The following FBXL17 variants were observed in gnomAD, a reference collection of about 807,000 sequenced individuals.
The protein encoded by FBXL17 is F-box and leucine rich repeat protein 17.
In FBXL17, 22 loss-of-function variants were observed where a neutral mutation model predicts 66.2. That is an observed-to-expected ratio of 0.33 (90% CI 0.24 to 0.47). FBXL17 has a LOEUF of 0.47. Among genes scored for constraint, FBXL17 ranks in the 20% least tolerant of loss-of-function variants. The probability of loss-of-function intolerance (pLI) is 1.00; values close to 1 mark genes in which losing one functional copy is unlikely to be tolerated. For missense variants in FBXL17, 878 were observed against 948.2 expected, an observed-to-expected ratio of 0.93 and a Z score of 0.97; for synonymous variants, 474 against 400.5, an observed-to-expected ratio of 1.18 and a Z score of -2.19.
intron 6 of FBXL17, among the ~76,000 whole-genome samples, chr5:108,042,384 A>G (rs1561381988): frequency 6.6e-6 from 1 of 152,152 alleles, no homozygotes. Flanking sequence ...AGGATTCTTC[A>G]TGGTGTCCTT....
chr5:108,196,235 C>CAAA (rs57735019), intron 5 of FBXL17, among the ~76,000 whole-genome samples: 2 of 144,862 alleles, frequency 1.4e-5, no homozygotes, highest in South Asian at 2.2e-4. Context: ...ACAAAACAAA[C>CAAA]AAAAAAAAAA....
rs1264786661 is a variant in FBXL17, at chr5:108,381,819, C to G, written c.-128G>C. 1.5e-6 allele frequency: 2 copies of G among 1,337,046 alleles called. No homozygotes were observed. Among genetic ancestry groups the G allele is most frequent in the South Asian group, 1.8e-5 (1 of 54,710 alleles). The allele number at this position is 1,337,046 out of a possible 1,614,324, so 82.8% of individuals were successfully genotyped here. ...GGGTCGCCCTTCCTGCGCACACACA[C>G]GCACACACGGGCACACACGCGACGG... On this transcript the variant is annotated 5_prime_UTR_variant, in exon 1 of 9. Transcript: ENST00000542267.
chr5:108,149,676 A>C, intron 6 of FBXL17, among the ~76,000 whole-genome samples: 1 of 152,220 alleles, frequency 6.6e-6, no homozygotes, highest in East Asian at 1.9e-4. Context: ...ACTCTTAGTA[A>C]GTCATATTCA....
Position 108,135,931 on chromosome 5 carries a change from C to T in FBXL17, c.1745+50186G>A, listed in dbSNP as rs1343198762. Reference sequence around the variant, plus strand: ...TCTCTTCCTCACACTATCCAGACGTCAAGGCCTCCAACATAGTTTTTTATG... The same window carrying T: ...TCTCTTCCTCACACTATCCAGACGTTAAGGCCTCCAACATAGTTTTTTATG... On this transcript the variant is annotated intron_variant, in intron 6 of 8. Coordinates refer to ENST00000542267, the MANE Select transcript of FBXL17 (RefSeq NM_001163315.3). Among the ~76,000 whole-genome samples the T allele has an allele frequency of 2.6e-5, 4 of 152,194 alleles. No homozygotes were observed. The East Asian group carries it at 7.7e-4, about 29-fold the overall frequency.
At chr5:108,374,099 T>G (rs1031263824) in intron 1 of FBXL17, among the ~76,000 whole-genome samples, 23 of 152,208 alleles carry the variant, frequency 1.5e-4, no homozygotes, top group Non-Finnish European at 1.6e-4. Flanking sequence ...AGTTCCGCAT[T>G]AATGCTTGGA....
At chr5:107,942,827 T>A (rs1751157208) in intron 7 of FBXL17, among the ~76,000 whole-genome samples, 2 of 151,996 alleles carry the variant, frequency 1.3e-5, no homozygotes, top group Admixed American at 6.6e-5. Context: ...TTTACCTAAG[T>A]GGAATTCTCC....
At chr5:108,021,941 T>C (rs1304454061) in intron 6 of FBXL17, among the ~76,000 whole-genome samples, 1 of 151,892 alleles carries the variant, frequency 6.6e-6, no homozygotes. Flanking sequence ...GTGTGCATAA[T>C]CTATCAAAAA....
intron 6 of FBXL17, among the ~76,000 whole-genome samples, chr5:108,179,237 T>C (rs896370465): frequency 6.6e-6 from 1 of 152,162 alleles, no homozygotes; most frequent in African/African-American, 2.4e-5. Context: ...CCGTTTTTTA[T>C]TGAATCAACG....
At chr5:107,893,596 C>T (rs1749274322) in intron 7 of FBXL17, among the ~76,000 whole-genome samples, 1 of 152,186 alleles carries the variant, frequency 6.6e-6, no homozygotes, top group South Asian at 2.1e-4. Context: ...TGACCCAAAA[C>T]CAACAATATT....
Position 108,299,858 on chromosome 5 carries a change from C to T in FBXL17, c.1506+48541G>A, listed in dbSNP as rs1758508580. The T allele has an allele frequency of 8.1e-6, 8 of 983,276 alleles. 1 individual carries two copies. Among genetic ancestry groups the T allele is most frequent in the Middle Eastern group, 1.0e-3 (2 of 1,912 alleles). 60.9% of individuals were successfully genotyped at this position (983,276 alleles called of 1,614,324 possible). A position where few individuals can be genotyped will look rare whatever the true frequency, so the allele number is the denominator to read the frequency against. Reference sequence around the variant, plus strand: ...AGAATCTGAAAAAAAGGGTAGATGCCATGGAAAAATCATTAGATATTTCTT... The same window carrying T: ...AGAATCTGAAAAAAAGGGTAGATGCTATGGAAAAATCATTAGATATTTCTT... On this transcript the variant is annotated intron_variant, in intron 4 of 8. Transcript: ENST00000542267.
chr5:107,964,702 T>C (rs950995600), intron 7 of FBXL17, among the ~76,000 whole-genome samples: 1 of 152,088 alleles, frequency 6.6e-6, no homozygotes, highest in Non-Finnish European at 1.5e-5. Flanking sequence ...TCAATTTACA[T>C]AAAAAGAAGG....
chr5:108,071,270 T>TA (rs1748320149), intron 6 of FBXL17, among the ~76,000 whole-genome samples: 6 of 152,238 alleles, frequency 3.9e-5, no homozygotes, highest in Non-Finnish European at 8.8e-5. Flanking sequence ...AAGATTTTCA[T>TA]GACCCTACTA....
intron 6 of FBXL17, among the ~76,000 whole-genome samples, chr5:108,135,580 C>T (rs1751101846): frequency 6.6e-6 from 1 of 152,094 alleles, no homozygotes; most frequent in Non-Finnish European, 1.5e-5. Flanking sequence ...ATTCCTTACA[C>T]TCCTAAAAAT....
intron 1 of FBXL17, among the ~76,000 whole-genome samples, chr5:108,378,333 G>GTTTGT (rs1268605333): frequency 1.6e-4 from 21 of 133,626 alleles, no homozygotes; most frequent in Middle Eastern, 8.3e-3. Context: ...TTTGTTTTTT[G>GTTTGT]TTTTTTTGTT....
At chr5:108,230,914 T>G (rs1406119228) in intron 4 of FBXL17, among the ~76,000 whole-genome samples, 1 of 150,980 alleles carries the variant, frequency 6.6e-6, no homozygotes, top group Non-Finnish European at 1.5e-5. Flanking sequence ...TGTAACCAAA[T>G]ATCACCTGTA....
At chr5:108,337,035 A>G (rs1580842561) in intron 4 of FBXL17, among the ~76,000 whole-genome samples, 1 of 152,036 alleles carries the variant, frequency 6.6e-6, no homozygotes. Context: ...AGGCAGGTGG[A>G]TCACAAGGTC....
intron 7 of FBXL17, among the ~76,000 whole-genome samples, chr5:107,961,425 G>GC (rs1751905399): frequency 6.6e-6 from 1 of 151,768 alleles, no homozygotes; most frequent in Non-Finnish European, 1.5e-5. Flanking sequence ...ACAGGGTTTC[G>GC]CCATGTTGCC....
rs115283955 is a variant in FBXL17, at chr5:108,161,901, G to T, written c.1745+24216C>A. 3.0e-3 allele frequency among the ~76,000 whole-genome samples: 461 copies of T among 152,252 alleles called. 3 individuals carry two copies. The highest frequency in any genetic ancestry group is 0.011 in the African/African-American group (449 of 41,562). ...GTGTGAAAATCTAGGTTAAAGAAAAGTACAATATACAGTAATTAAAAACTG... is the reference window on the plus strand; with the variant it reads ...GTGTGAAAATCTAGGTTAAAGAAAATTACAATATACAGTAATTAAAAACTG... On this transcript the variant is annotated intron_variant, in intron 6 of 8. Coordinates refer to ENST00000542267, the MANE Select transcript of FBXL17 (RefSeq NM_001163315.3).
At chr5:108,061,368 G>A (rs1183046892) in intron 6 of FBXL17, among the ~76,000 whole-genome samples, 1 of 151,838 alleles carries the variant, frequency 6.6e-6, no homozygotes, top group Non-Finnish European at 1.5e-5. Flanking sequence ...ATTTCTCTTA[G>A]TACCAATGAG....
Sources: allele counts gnomAD v4.1 joint callset (sites outside exome capture counted in the v4.1 genomes callset), GRCh38; gene constraint gnomAD v4.1.1; transcripts MANE v1.5; gene names NCBI Gene and HGNC (gene_info 2026-07-23, HGNC 2026-07-21).